The following TTLL5 variants were observed in gnomAD, a reference collection of about 807,000 sequenced individuals.
TTLL5 encodes the protein tubulin polyglutamylase TTLL5.
TTLL5 carries 132 observed loss-of-function variants against 168.4 expected under a neutral mutation model. That is an observed-to-expected ratio of 0.78 (90% confidence interval 0.68 to 0.91). TTLL5 has a LOEUF of 0.91. Among genes scored for constraint, TTLL5 ranks in the 40% least tolerant of loss-of-function variants. The pLI, the probability that TTLL5 is intolerant of heterozygous loss-of-function variation, is 0.00. For synonymous variants in TTLL5, 546 were observed against 558.6 expected (o/e 0.98, Z 0.32); for missense variants, 1,545 against 1,581.5 (o/e 0.98, Z 0.39).
chr14:75,689,589 A>G (rs1885304041), intron 5 of TTLL5: 1 of 152,254 alleles, frequency 6.6e-6, no homozygotes, highest in Non-Finnish European at 1.5e-5. Context: ...TAAACAATCC[A>G]AATGCCTTCA....
chr14:75,690,909 C>T lies in TTLL5; in HGVS notation c.502+587C>T, dbSNP rs147027040. Among the ~76,000 whole-genome samples, 215 of 152,306 alleles carry T rather than the reference C, an allele frequency of 1.4e-3. 1 individual carries two copies. The highest frequency in any genetic ancestry group is 5.1e-3 in the African/African-American group (210 of 41,578). ...TTCTGAGATGACAGGCATGATCCAC[C>T]ACACCCGGCCTGTAAGGATACTTTA... On this transcript the variant is annotated intron_variant, in intron 6 of 31. Coordinates refer to ENST00000298832, the MANE Select transcript of TTLL5 (RefSeq NM_015072.5).
chr14:75,786,864 G>T (rs1034565476), intron 26 of TTLL5, among the ~76,000 whole-genome samples: 6 of 152,164 alleles, frequency 3.9e-5, no homozygotes, highest in African/African-American at 1.4e-4. Context: ...CGGGCACAGC[G>T]TCTTATGCCT....
chr14:75,862,298 G>C (rs2030082233), intron 28 of TTLL5, among the ~76,000 whole-genome samples: 1 of 152,238 alleles, frequency 6.6e-6, no homozygotes, highest in East Asian at 1.9e-4. Context: ...ATGAACATTG[G>C]TGTACGGTTA....
chr14:75,953,880 G>A (rs1000487466), intron 31 of TTLL5, among the ~76,000 whole-genome samples: 1 of 152,098 alleles, frequency 6.6e-6, no homozygotes, highest in Admixed American at 6.6e-5. Context: ...AAAAAGGAAA[G>A]AGAACAACAC....
chr14:75,791,105 C>A (rs866148710), intron 26 of TTLL5, among the ~76,000 whole-genome samples: 642 of 77,168 alleles, frequency 8.3e-3, no homozygotes, highest in Admixed American at 9.1e-3. Context: ...GACTCTGTCT[C>A]AAAAAAAAAA....
chr14:75,702,425 T>C (rs951490362), intron 7 of TTLL5, among the ~76,000 whole-genome samples: 2 of 152,256 alleles, frequency 1.3e-5, no homozygotes, highest in African/African-American at 4.8e-5. Context: ...ATGGAATTGC[T>C]ATTGAAAGTC....
At chr14:75,826,278 A>C (rs962868126) in intron 28 of TTLL5, among the ~76,000 whole-genome samples, 8 of 142,498 alleles carry the variant, frequency 5.6e-5, no homozygotes, top group African/African-American at 2.2e-4. Flanking sequence ...ACCACCTTCT[A>C]TTTCCTTAGG....
chr14:75,925,071 G>A (rs1361924689), intron 31 of TTLL5, among the ~76,000 whole-genome samples: 16 of 146,992 alleles, frequency 1.1e-4, no homozygotes, highest in Middle Eastern at 3.6e-3. Context: ...AGGATGGGGC[G>A]GCTGGTCGGG....
intron 3 of TTLL5, among the ~76,000 whole-genome samples, chr14:75,674,664 T>G (rs78255853): frequency 0.017 from 2,621 of 152,266 alleles, 96 homozygotes; most frequent in African/African-American, 0.06. Flanking sequence ...CATAGGTATT[T>G]TCAGCTTAAA....
chr14:75,945,276 G>T, intron 31 of TTLL5, among the ~76,000 whole-genome samples: 1 of 148,078 alleles, frequency 6.8e-6, no homozygotes, highest in South Asian at 2.1e-4. Context: ...AATTTTTTTT[G>T]AGACGGAGTC....
At position 75,669,468 on chromosome 14, in the gene TTLL5, G is replaced by T. The variant is rs144141238; in HGVS notation, c.127G>T (p.Val43Leu). 5.6e-6 allele frequency: 9 copies of T among 1,614,018 alleles called. No homozygotes were observed. In the African/African-American group the frequency reaches 1.2e-4, roughly 22 times the overall value. ...TGGCRRIPVL[V>L]FHADAILTKD... ...AGGCTGCAGGAGAATTCCAGTTTTG[G>T]TATTCCATGCCGACGCTATTCTTAC... The change falls in exon 3 of 32, where the codon GTA becomes TTA. Residue 43 changes from valine (V) to leucine (L), a missense_variant. Coordinates refer to ENST00000298832, the MANE Select transcript of TTLL5 (RefSeq NM_015072.5).
intron 3 of TTLL5, among the ~76,000 whole-genome samples, chr14:75,676,381 T>A (rs1255401819): frequency 1.3e-5 from 2 of 152,254 alleles, no homozygotes; most frequent in Non-Finnish European, 2.9e-5. Context: ...AATTTAGTTT[T>A]ATTTTGAAGC....
chr14:75,703,157 G>A (rs1368485177), intron 7 of TTLL5, among the ~76,000 whole-genome samples: 4 of 152,206 alleles, frequency 2.6e-5, no homozygotes, highest in South Asian at 2.1e-4. Flanking sequence ...GGAATGCTGA[G>A]GCAGAGGGTC....
chr14:75,784,722 G>A (rs1025354599), intron 26 of TTLL5, among the ~76,000 whole-genome samples: 1 of 152,132 alleles, frequency 6.6e-6, no homozygotes, highest in African/African-American at 2.4e-5. Context: ...GAGGGTTCCA[G>A]TTTCTCCCTG....
chr14:75,685,975 G>C (rs1046280225), intron 5 of TTLL5, among the ~76,000 whole-genome samples: 1 of 152,116 alleles, frequency 6.6e-6, no homozygotes, highest in African/African-American at 2.4e-5. Flanking sequence ...CATTTTTTAG[G>C]AAGTTCTCTA....
chr14:75,769,248 CAT>C (rs1891139343), intron 20 of TTLL5, among the ~76,000 whole-genome samples: 1 of 152,156 alleles, frequency 6.6e-6, no homozygotes, highest in Non-Finnish European at 1.5e-5. Flanking sequence ...TAAAGCTGCT[CAT>C]TGTTCGGTGA....
intron 27 of TTLL5, among the ~76,000 whole-genome samples, chr14:75,812,439 G>T (rs1165789295): frequency 6.6e-6 from 1 of 152,044 alleles, no homozygotes; most frequent in Non-Finnish European, 1.5e-5. Flanking sequence ...TTTTTTCGTT[G>T]TTACCACTAT....
At chr14:75,747,520 C>T (rs1939231807) in intron 17 of TTLL5, among the ~76,000 whole-genome samples, 1 of 150,360 alleles carries the variant, frequency 6.7e-6, no homozygotes, top group Admixed American at 6.6e-5. Context: ...TTATTGCCTT[C>T]TTTAAACCCT....
At chr14:75,858,971 C>T (rs1323443600) in intron 28 of TTLL5, among the ~76,000 whole-genome samples, 1 of 152,172 alleles carries the variant, frequency 6.6e-6, no homozygotes, top group African/African-American at 2.4e-5. Flanking sequence ...CACCTCCACC[C>T]CCATCATTGT....
Sources: gnomAD v4.1 joint callset for allele counts (sites outside exome capture counted in the v4.1 genomes callset) on GRCh38, gnomAD v4.1.1 for gene constraint, MANE v1.5 for transcripts, NCBI Gene and HGNC (gene_info 2026-07-23, HGNC 2026-07-21) for gene names.